TMEM248: variants seen among roughly 807,000 people sequenced by gnomAD.
TMEM248 encodes the protein UPF0458 protein C7orf42.
In TMEM248, 9 loss-of-function variants were observed where a neutral mutation model predicts 30.3. The observed-to-expected ratio is 0.30, with a 90% CI of 0.18 to 0.52. The LOEUF is 0.52. Ranked by LOEUF, TMEM248 falls within the 20% of genes least tolerant of loss-of-function variation. TMEM248 has a pLI of 0.97. For synonymous variants in TMEM248, 184 were observed against 154.4 expected, an observed-to-expected ratio of 1.19 and a Z score of -1.42; for missense variants, 338 against 403.3, an observed-to-expected ratio of 0.84 and a Z score of 1.39.
At chr7:66,940,479 G>C (rs1279013561) in intron 1 of TMEM248, among the ~76,000 whole-genome samples, 1 of 152,240 alleles carries the variant, frequency 6.6e-6, no homozygotes, top group Non-Finnish European at 1.5e-5. Flanking sequence ...TTGACTAGCA[G>C]ACAACGTTGT....
At chr7:66,926,218 T>C (rs1791521280) in intron 1 of TMEM248, among the ~76,000 whole-genome samples, 1 of 152,204 alleles carries the variant, frequency 6.6e-6, no homozygotes, top group Admixed American at 6.5e-5. Flanking sequence ...TTTTAATCCC[T>C]AGGGATTTGG....
rs1051431527 is a variant in TMEM248, at chr7:66,931,526, C to T, written c.-19+10065C>T. Among the ~76,000 whole-genome samples, 59 of 151,768 alleles carry T rather than the reference C, an allele frequency of 3.9e-4. 1 individual carries two copies. The highest frequency in any genetic ancestry group is 7.2e-4 in the Non-Finnish European group (49 of 67,940). ...CCACCATGTTGGCCAGGCTGGAGTG[C>T]AGTGGCATGATCATAGCTCACTATA... On this transcript the variant is annotated intron_variant, in intron 1 of 6. Transcript: ENST00000341567.
At chr7:66,937,342 T>G (rs908851151) in intron 1 of TMEM248, among the ~76,000 whole-genome samples, 2 of 152,260 alleles carry the variant, frequency 1.3e-5, no homozygotes, top group Non-Finnish European at 2.9e-5. Context: ...TAACGTGGTC[T>G]ATTTTTGGGA....
At chr7:66,933,477 A>G (rs139228943) in intron 1 of TMEM248, among the ~76,000 whole-genome samples, 2,878 of 152,318 alleles carry the variant, frequency 0.019, 48 homozygotes, top group Non-Finnish European at 0.027. Context: ...TCTTTGGAGC[A>G]ATGGGTGTTT....
chr7:66,940,145 G>A (rs1259630155), intron 1 of TMEM248, among the ~76,000 whole-genome samples: 2 of 152,088 alleles, frequency 1.3e-5, no homozygotes, highest in Non-Finnish European at 1.5e-5. Flanking sequence ...GTAGAGGCGG[G>A]GTTTTGCCAT....
At chr7:66,945,346 A>G (rs1031026376) in intron 3 of TMEM248, 85 bp downstream of exon 3, 5 of 1,421,616 alleles carry the variant, frequency 3.5e-6, no homozygotes, top group South Asian at 1.3e-5. Context: ...TTTACTGACT[A>G]TATTGTACTA....
intron 1 of TMEM248, among the ~76,000 whole-genome samples, chr7:66,928,664 T>C (rs1584396440): frequency 6.6e-6 from 1 of 152,240 alleles, no homozygotes; most frequent in South Asian, 2.1e-4. Context: ...TTTTTGCCTC[T>C]ATCACCCTAG....
intron 1 of TMEM248, among the ~76,000 whole-genome samples, chr7:66,941,143 G>T (rs1320461930): frequency 6.6e-6 from 1 of 152,106 alleles, no homozygotes; most frequent in South Asian, 2.1e-4. Context: ...AGCACTTTGG[G>T]GGGCCAAGGC....
At position 66,951,057 on chromosome 7, in the gene TMEM248, T is replaced by C. The variant is rs765657600; in HGVS notation, c.702T>C (p.Asn234=). 4.3e-6 allele frequency: 7 copies of C among 1,612,862 alleles called. No homozygotes were observed. Among genetic ancestry groups the C allele is most frequent in the African/African-American group, 1.3e-5 (1 of 74,882 alleles). ...DANTKYAQDY[N]PFWCYKGAIG... ...ACACAAAATACGCCCAAGATTACAA[T>C]CCTTTCTGGTGTTATAAGGGGGCCA... is the stretch of plus-strand genomic sequence containing the variant. The change falls in exon 5 of 7, where the codon AAT becomes AAC. Residue 234 remains asparagine, a synonymous_variant. Transcript: ENST00000341567.
rs780333046 is a variant in TMEM248, at chr7:66,951,120, A to T, written c.765A>T (p.Thr255=). The T allele has an allele frequency of 1.3e-6, 2 of 1,590,332 alleles. No individual in the cohort carries two copies. The highest frequency in any genetic ancestry group is 1.8e-5 in the Admixed American group (1 of 55,464). The change falls in exon 5 of 7, where the codon ACA becomes ACT. Residue 255 remains threonine (T), a synonymous_variant. Transcript: ENST00000341567. The part of the protein sequence containing the change: ...KVYHALNPKL[T]VIVPDDDRSL... ...ATCATGCTTTAAATCCCAAGCTTAC[A>T]GTGATTGTTCCAGATGTAAGTGAGA...
intron 1 of TMEM248, among the ~76,000 whole-genome samples, chr7:66,937,297 A>AT (rs552349408): frequency 1.2e-3 from 186 of 151,864 alleles, no homozygotes; most frequent in Non-Finnish European, 1.8e-3. Flanking sequence ...ATAATTTTGT[A>AT]TTTTTTTTAA....
intron 4 of TMEM248, among the ~76,000 whole-genome samples, chr7:66,949,036 C>T (rs145169982): frequency 6.6e-6 from 1 of 151,836 alleles, no homozygotes; most frequent in Non-Finnish European, 1.5e-5. Flanking sequence ...TGCCGTGGCT[C>T]AGGCCTGCGA....
intron 2 of TMEM248, among the ~76,000 whole-genome samples, chr7:66,943,918 C>T (rs1792029155): frequency 6.6e-6 from 1 of 151,872 alleles, no homozygotes; most frequent in Non-Finnish European, 1.5e-5. Context: ...CCTCAGCCTT[C>T]CAAGTAGCTG....
rs781395191 is a variant in TMEM248, at chr7:66,948,710, A to G, written c.596+16A>G. ...CCGTCACTGTGTAAGTGTACCCGGC[A>G]CCTGATGAACGTGCGTAACAAGCTC... On this transcript the variant is annotated intron_variant, in intron 4 of 6. Coordinates refer to ENST00000341567, the MANE Select transcript of TMEM248 (RefSeq NM_017994.5). 21 of 1,590,660 alleles carry G rather than the reference A, an allele frequency of 1.3e-5. No homozygotes were observed. The highest frequency in any genetic ancestry group is 1.6e-5 in the Non-Finnish European group (19 of 1,161,758).
chr7:66,938,754 C>T (rs979441448), intron 1 of TMEM248, among the ~76,000 whole-genome samples: 4 of 152,188 alleles, frequency 2.6e-5, no homozygotes, highest in African/African-American at 9.7e-5. Flanking sequence ...GATCCACCTG[C>T]CTTGGCATCC....
chr7:66,952,455 GCC>G (rs1316913597), intron 5 of TMEM248, among the ~76,000 whole-genome samples: 1 of 152,222 alleles, frequency 6.6e-6, no homozygotes, highest in East Asian at 1.9e-4. Context: ...GTGGGCTGAG[GCC>G]CTTAGTGCCT....
chr7:66,927,630 T>G (rs1162547107), intron 1 of TMEM248, among the ~76,000 whole-genome samples: 1 of 148,262 alleles, frequency 6.7e-6, no homozygotes, highest in Non-Finnish European at 1.5e-5. Flanking sequence ...TTTTGTTTTT[T>G]TTTTTTTTTA....
rs112472556 is a variant in TMEM248 at position 66,940,561 on chromosome 7, C to T, written c.-18-1287C>T. ...AGTCCCTGTCAGTCCCAGCTGATTT[C>T]CTTGCAGACATTGACAAGATGATCC... On this transcript the variant is annotated intron_variant, in intron 1 of 6. Coordinates refer to ENST00000341567, the MANE Select transcript of TMEM248 (RefSeq NM_017994.5). Among the ~76,000 whole-genome samples, 274 of 152,296 alleles carry T rather than the reference C, an allele frequency of 1.8e-3. 1 individual carries two copies. The highest frequency in any genetic ancestry group is 6.4e-3 in the African/African-American group (265 of 41,574).
chr7:66,929,502 T>C (rs1791613619), intron 1 of TMEM248, among the ~76,000 whole-genome samples: 1 of 149,114 alleles, frequency 6.7e-6, no homozygotes, highest in African/African-American at 2.5e-5. Flanking sequence ...AGTGGCTTGA[T>C]TTTGGCTCAC....
Sources: gnomAD v4.1 joint callset for allele counts (sites outside exome capture counted in the v4.1 genomes callset) on GRCh38, gnomAD v4.1.1 for gene constraint, MANE v1.5 for transcripts, NCBI Gene and HGNC (gene_info 2026-07-23, HGNC 2026-07-21) for gene names.